TRAF2: variants seen among roughly 807,000 people sequenced by gnomAD.
The protein encoded by TRAF2 is TNF receptor-associated factor 2.
In TRAF2, 6 loss-of-function variants were observed where a neutral mutation model predicts 55.6. The observed-to-expected ratio is 0.11, with a 90% CI of 0.06 to 0.21. The LOEUF (loss-of-function observed/expected upper bound fraction) is 0.21, where lower values mean the gene tolerates loss of function less well. Ranked by LOEUF, TRAF2 falls within the 10% of genes least tolerant of loss-of-function variation. The probability of loss-of-function intolerance (pLI) is 1.00; values close to 1 mark genes in which losing one functional copy is unlikely to be tolerated. For missense variants in TRAF2, 561 were observed against 684.5 expected (o/e 0.82, Z 2.01); for synonymous variants, 329 against 276.3 (o/e 1.19, Z -1.89).
upstream of TRAF2, chr9:136,882,707 CAG>C (rs1849388549): frequency 1.0e-6 from 1 of 985,384 alleles, no homozygotes; most frequent in Admixed American, 6.1e-5. Context: ...GCGCCATGGC[CAG>C]AGTGAGTCAC....
At chr9:136,923,819 T>C in intron 9 of TRAF2, 33 bp from the exon 10 acceptor site, 1 of 1,608,196 alleles carries the variant, frequency 6.2e-7, no homozygotes, top group Non-Finnish European at 8.5e-7. Flanking sequence ...TTGCTGAGTG[T>C]CAGCTCACCA....
intron 1 of TRAF2, among the ~76,000 whole-genome samples, chr9:136,892,506 G>A (rs1849601126): frequency 1.3e-5 from 2 of 151,952 alleles, no homozygotes; most frequent in South Asian, 4.2e-4. Flanking sequence ...AAAAACCAAT[G>A]ATACTTAAAA....
intron 4 of TRAF2, among the ~76,000 whole-genome samples, chr9:136,907,267 C>T (rs1253239880): frequency 6.6e-6 from 1 of 152,228 alleles, no homozygotes; most frequent in Non-Finnish European, 1.5e-5. Context: ...TCTTGTGGCA[C>T]CTTCCCCGGC....
intron 1 of TRAF2, among the ~76,000 whole-genome samples, chr9:136,890,899 G>A (rs927356108): frequency 1.3e-5 from 2 of 152,160 alleles, no homozygotes; most frequent in African/African-American, 4.8e-5. Context: ...TGTGAGAAGC[G>A]TCTGCCGGTG....
chr9:136,921,881 A>G (rs1409244602), intron 9 of TRAF2, among the ~76,000 whole-genome samples: 1 of 151,976 alleles, frequency 6.6e-6, no homozygotes, highest in Non-Finnish European at 1.5e-5. Context: ...GCCCTGGCTG[A>G]CCTTGTGGCG....
chr9:136,882,165 G>C, upstream of TRAF2: 5 of 545,120 alleles, frequency 9.2e-6, no homozygotes, highest in Non-Finnish European at 1.2e-5. Flanking sequence ...CAAGACCTGA[G>C]TAAAAGGACA....
At chr9:136,900,311 G>A in intron 3 of TRAF2, 111 bp from the exon 4 acceptor site, 1 of 673,140 alleles carries the variant, frequency 1.5e-6, no homozygotes, top group South Asian at 2.0e-5. Context: ...GGAGTGGCCT[G>A]GAAAGGCGAT....
At chr9:136,901,740 CG>C (rs1202764517) in intron 4 of TRAF2, among the ~76,000 whole-genome samples, 1 of 152,164 alleles carries the variant, frequency 6.6e-6, no homozygotes, top group East Asian at 1.9e-4. Flanking sequence ...GCTTCCTGCC[CG>C]GGCCAGAGCT....
At chr9:136,896,406 C>T (rs2784086) in intron 1 of TRAF2, among the ~76,000 whole-genome samples, 121,519 of 152,198 alleles carry the variant, frequency 0.8, 48,744 homozygotes, top group East Asian at 0.87. Flanking sequence ...GCTGTGGAGA[C>T]GCATGGGTCT....
intron 6 of TRAF2, among the ~76,000 whole-genome samples, chr9:136,912,459 C>G (rs895462917): frequency 4.6e-5 from 7 of 152,138 alleles, no homozygotes; most frequent in African/African-American, 1.4e-4. Context: ...TGTGCCTGGC[C>G]TCTCTTATCT....
chr9:136,921,000 C>T (rs1850371169), intron 8 of TRAF2, 38 bp from the exon 9 acceptor site: 3 of 1,610,290 alleles, frequency 1.9e-6, no homozygotes, highest in Non-Finnish European at 1.7e-6. Flanking sequence ...TGCCCGCACC[C>T]CTCCTGTAAG....
intron 1 of TRAF2, among the ~76,000 whole-genome samples, chr9:136,887,528 A>G (rs929135161): frequency 2.0e-5 from 3 of 152,152 alleles, no homozygotes; most frequent in African/African-American, 7.2e-5. Context: ...GGTGTCTGGC[A>G]GCCGGTGAAG....
chr9:136,882,514 G>C (rs1849386635), upstream of TRAF2, among the ~76,000 whole-genome samples: 1 of 152,252 alleles, frequency 6.6e-6, no homozygotes, highest in Non-Finnish European at 1.5e-5. Context: ...TCCATCTCCA[G>C]GTTCCAACTG....
chr9:136,911,851 T>A (rs1363348012), intron 6 of TRAF2, among the ~76,000 whole-genome samples: 1 of 112,280 alleles, frequency 8.9e-6, no homozygotes, highest in Non-Finnish European at 1.9e-5. Context: ...TATCTCTTTT[T>A]TTTTTTTTTT....
rs928615825 is a variant in TRAF2, at chr9:136,911,045, G to GGT, written c.603+1053_603+1054dup. Among the ~76,000 whole-genome samples, 21 of 152,342 alleles carry GGT rather than the reference G, an allele frequency of 1.4e-4. No homozygotes were observed. In the South Asian group the frequency reaches 1.5e-3, roughly 11 times the overall value. ...GTGGGGCCTGGAGGTGCCCCCGAGA[G>GGT]GTGCCCTCTGCGTGTGCCCCAGTCT... is the stretch of plus-strand genomic sequence containing the variant. On this transcript the variant is annotated intron_variant, in intron 6 of 10. Coordinates refer to ENST00000247668, the MANE Select transcript of TRAF2 (RefSeq NM_021138.4).
chr9:136,914,280 C>G (rs564997336), intron 6 of TRAF2, among the ~76,000 whole-genome samples: 1 of 152,214 alleles, frequency 6.6e-6, no homozygotes, highest in Non-Finnish European at 1.5e-5. Context: ...TCCAGCAGTG[C>G]CTTCTCCCAC....
intron 4 of TRAF2, among the ~76,000 whole-genome samples, chr9:136,906,849 C>T (rs1205275693): frequency 1.3e-5 from 2 of 152,184 alleles, no homozygotes; most frequent in South Asian, 2.1e-4. Context: ...CCCTCTCTCC[C>T]GTTACACTAG....
At chr9:136,900,382 C>G (rs373307415) in intron 3 of TRAF2, 40 bp from the exon 4 acceptor site, 2 of 1,466,122 alleles carry the variant, frequency 1.4e-6, no homozygotes, top group Non-Finnish European at 1.9e-6. Flanking sequence ...TGCAGGGAGT[C>G]TGGGAGGAGG....
intron 4 of TRAF2, chr9:136,901,924 TGACA>T (rs1345717956): frequency 1.3e-5 from 2 of 152,274 alleles, no homozygotes; most frequent in Non-Finnish European, 2.9e-5. Context: ...CACGATCTTT[TGACA>T]GACTCTGCTT....
Sources: allele counts gnomAD v4.1 joint callset (sites outside exome capture counted in the v4.1 genomes callset), GRCh38; gene constraint gnomAD v4.1.1; transcripts MANE v1.5; gene names NCBI Gene and HGNC (gene_info 2026-07-23, HGNC 2026-07-21).